Variants in CTNND1 observed in about 807,000 individuals in gnomAD.
CTNND1 encodes the protein catenin delta 1, also known as catenin delta-1.
CTNND1 carries 16 observed loss-of-function variants against 112.1 expected under a neutral mutation model. The observed-to-expected ratio is 0.14, with a 90% CI of 0.10 to 0.22. CTNND1 has a LOEUF of 0.22. CTNND1 is among the 10% of genes least tolerant of loss of function. The probability of loss-of-function intolerance (pLI) is 1.00; values close to 1 mark genes in which losing one functional copy is unlikely to be tolerated. For synonymous variants in CTNND1, 420 were observed against 446.5 expected, an observed-to-expected ratio of 0.94 and a Z score of 0.75; for missense variants, 1,008 against 1,257.0, an observed-to-expected ratio of 0.80 and a Z score of 3.00.
At chr11:57,762,423 A>T (rs1950058636) in intron 1 of CTNND1, among the ~76,000 whole-genome samples, 1 of 152,138 alleles carries the variant, frequency 6.6e-6, no homozygotes, top group Admixed American at 6.5e-5. Flanking sequence ...CCCAAATCAA[A>T]AGTTGGTTTT....
chr11:57,810,086 T>C (rs761989651), intron 15 of CTNND1, 23 bp from the exon 16 acceptor site: 8 of 1,557,308 alleles, frequency 5.1e-6, no homozygotes, highest in African/African-American at 1.4e-5. Context: ...CCAAATTCCG[T>C]ATGGTGTTAC....
chr11:57,789,627 G>A (rs1477725538), intron 2 of CTNND1, among the ~76,000 whole-genome samples: 1 of 152,104 alleles, frequency 6.6e-6, no homozygotes, highest in Non-Finnish European at 1.5e-5. Flanking sequence ...GAATTGTGTT[G>A]GGCCATACAT....
Position 57,804,755 on chromosome 11 carries a change from T to C in CTNND1, c.1697T>C (p.Ile566Thr), listed in dbSNP as rs1038380278. The change falls in exon 9 of 21, where the codon ATT becomes ACT. Residue 566 changes from isoleucine to threonine, a missense_variant. Ile to Thr is a moderately conservative substitution (Grantham distance 89, BLOSUM62 -1). This residue lies in a region of CTNND1 where 216 missense variants were observed against 342.8 expected (regional missense o/e 0.63). Coordinates refer to ENST00000399050, the MANE Select transcript of CTNND1 (RefSeq NM_001085458.2). Reference sequence around the variant, plus strand: ...CTCATTTTCATTGTTCAGGCTGAGATTGGGCAGAAGGATTCAGACAGCAAG... The same window carrying C: ...CTCATTTTCATTGTTCAGGCTGAGACTGGGCAGAAGGATTCAGACAGCAAG... ...DALIFIVQAE[I>T]GQKDSDSKLV... 3 of 1,613,782 alleles carry C rather than the reference T, an allele frequency of 1.9e-6. No homozygotes were observed. The African/African-American group carries it at 4.0e-5, about 22-fold the overall frequency.
chr11:57,816,245 C>T (rs1418736095), intron 20 of CTNND1, 52 bp from the exon 21 acceptor site: 6 of 1,608,816 alleles, frequency 3.7e-6, no homozygotes, highest in Non-Finnish European at 5.1e-6. Context: ...TGGGGGGGGT[C>T]TCCTTAATCC....
intron 6 of CTNND1, among the ~76,000 whole-genome samples, chr11:57,799,227 A>G (rs2061714422): frequency 6.6e-6 from 1 of 152,230 alleles, no homozygotes; most frequent in Admixed American, 6.5e-5. Context: ...GGCTGGTGCA[A>G]CCTAGAGCAG....
At chr11:57,790,890 T>C (rs1028463337) in intron 2 of CTNND1, among the ~76,000 whole-genome samples, 3 of 151,974 alleles carry the variant, frequency 2.0e-5, no homozygotes, top group African/African-American at 7.2e-5. Context: ...TAGTTTAGCA[T>C]AGTAATTTTT....
In CTNND1 at chr11:57,817,795, A is replaced by T. The variant is rs886348976; in HGVS notation, c.*1487A>T. 6.6e-6 allele frequency: 1 copy of T among 152,492 alleles called. No homozygotes were observed. Among genetic ancestry groups the T allele is most frequent in the African/African-American group, 2.4e-5 (1 of 41,404 alleles). The allele number at this position is 152,492 out of a possible 1,614,324, so 9.4% of individuals were successfully genotyped here. A position where few individuals can be genotyped will look rare whatever the true frequency, so the allele number is the denominator to read the frequency against. The stretch of plus-strand genomic sequence containing the variant: ...CCCCCTCTCACTTTAGCATATATTA[A>T]TTAGCAGGTTGGGCTAGAGAAATCA... On this transcript the variant is annotated 3_prime_UTR_variant, in exon 21 of 21. Coordinates refer to ENST00000399050, the MANE Select transcript of CTNND1 (RefSeq NM_001085458.2).
At chr11:57,815,731 T>A in intron 19 of CTNND1, 184 bp from the exon 20 acceptor site, 1 of 773,478 alleles carries the variant, frequency 1.3e-6, no homozygotes, top group Non-Finnish European at 2.3e-6. Flanking sequence ...TGACTAACAC[T>A]AACTGATCTA....
At chr11:57,806,381 A>G in intron 10 of CTNND1, 80 bp from the exon 11 acceptor site, 1 of 1,310,076 alleles carries the variant, frequency 7.6e-7, no homozygotes, top group Non-Finnish European at 1.1e-6. Context: ...TTTGCCCATG[A>G]TTCTGCTGAC....
chr11:57,805,875 C>G lies in CTNND1; in HGVS notation c.1723-7C>G, dbSNP rs1261959449. 2.5e-6 allele frequency: 4 copies of G among 1,612,848 alleles called. No homozygotes were observed. The highest frequency in any genetic ancestry group is 3.4e-6 in the Non-Finnish European group (4 of 1,179,288). ...TTTTTTCTCATTGGCCCTTTTATGT[C>G]CCTAAGCTTGTAGAGAACTGTGTTT... On this transcript the variant is annotated splice_region_variant and splice_polypyrimidine_tract_variant and intron_variant, in intron 9 of 20. Transcript: ENST00000399050.
At chr11:57,780,009 A>C (rs1024347950) in intron 1 of CTNND1, among the ~76,000 whole-genome samples, 2 of 152,008 alleles carry the variant, frequency 1.3e-5, no homozygotes, top group South Asian at 4.2e-4. Flanking sequence ...CCTCTCCGTA[A>C]AAAAAATGTC....
At chr11:57,787,858 T>C (rs900418098) in intron 1 of CTNND1, among the ~76,000 whole-genome samples, 1 of 152,248 alleles carries the variant, frequency 6.6e-6, no homozygotes, top group African/African-American at 2.4e-5. Context: ...TGGAAGCTAA[T>C]GTTTCTCCAG....
intron 16 of CTNND1, 25 bp from the exon 17 acceptor site, chr11:57,811,374 T>C (rs1326128371): frequency 6.4e-7 from 1 of 1,572,402 alleles, no homozygotes; most frequent in African/African-American, 1.3e-5. Flanking sequence ...TTCTGTCACA[T>C]TGTCGCATTT....
intron 1 of CTNND1, among the ~76,000 whole-genome samples, chr11:57,764,772 C>A (rs1469267741): frequency 6.6e-6 from 1 of 152,094 alleles, no homozygotes; most frequent in Non-Finnish European, 1.5e-5. Context: ...ATGGACTTAA[C>A]CACTAATATA....
rs1171748808 is a variant in CTNND1 at position 57,817,494 on chromosome 11, A to G, written c.*1186A>G. 1.3e-5 allele frequency: 2 copies of G among 152,534 alleles called. No individual in the cohort carries two copies. The highest frequency in any genetic ancestry group is 2.4e-5 in the African/African-American group (1 of 41,398). 9.4% of individuals were successfully genotyped at this position (152,534 alleles called of 1,614,324 possible). A position where few individuals can be genotyped will look rare whatever the true frequency, so the allele number is the denominator to read the frequency against. On this transcript the variant is annotated 3_prime_UTR_variant, in exon 21 of 21. Transcript: ENST00000399050. ...ATATTTTGTTGCTTTCTTACCTACT[A>G]TTGGCCCTAAATAGCAGAAAGAAGA...
chr11:57,783,390 G>A (rs1012975476), intron 1 of CTNND1, among the ~76,000 whole-genome samples: 4 of 150,594 alleles, frequency 2.7e-5, no homozygotes, highest in African/African-American at 4.9e-5. Context: ...TAGAAAGGCC[G>A]GGCTCACGCC....
intron 1 of CTNND1, among the ~76,000 whole-genome samples, chr11:57,778,027 C>T (rs979583827): frequency 3.9e-5 from 6 of 152,174 alleles, no homozygotes; most frequent in African/African-American, 1.4e-4. Flanking sequence ...TCCAAATTTA[C>T]AGCCCCTGAC....
intron 1 of CTNND1, among the ~76,000 whole-genome samples, chr11:57,762,516 C>T (rs1565258848): frequency 6.6e-6 from 1 of 151,836 alleles, no homozygotes; most frequent in Non-Finnish European, 1.5e-5. Flanking sequence ...ATGTTTAAAA[C>T]TTTTTTTTTC....
Position 57,806,419 on chromosome 11 carries a change from A to G in CTNND1, c.1877-42A>G, listed in dbSNP as rs1198318175. 1.9e-6 allele frequency: 3 copies of G among 1,567,096 alleles called. No homozygotes were observed. In the Admixed American group the frequency reaches 5.5e-5, roughly 29 times the overall value. ...CTTTCTCCTGCATTTTTCTTATTTC[A>G]TTTCTCTTCTCTGCTTTCTACCTTG... is the stretch of plus-strand genomic sequence containing the variant. On this transcript the variant is annotated intron_variant, in intron 10 of 20. Transcript: ENST00000399050.
Sources: allele counts gnomAD v4.1 joint callset (sites outside exome capture counted in the v4.1 genomes callset), GRCh38; gene constraint gnomAD v4.1.1; regional missense constraint gnomAD v4.1.1; transcripts MANE v1.5; gene names NCBI Gene and HGNC (gene_info 2026-07-23, HGNC 2026-07-21).